TEX10: variants seen among roughly 807,000 people sequenced by gnomAD.
The protein encoded by TEX10 is testis expressed 10.
In TEX10, 24 loss-of-function variants were observed where a neutral mutation model predicts 104.4. The ratio of observed to expected loss-of-function variants is 0.23; its 90% confidence interval spans 0.17 to 0.32. The LOEUF is 0.32. Ranked by LOEUF, TEX10 falls within the 10% of genes least tolerant of loss-of-function variation. The pLI, the probability that TEX10 is intolerant of heterozygous loss-of-function variation, is 1.00. For missense variants in TEX10, 921 were observed against 1,083.9 expected (o/e 0.85, Z 2.11); for synonymous variants, 396 against 393.4 (o/e 1.01, Z -0.08).
chr9:100,346,705 C>G lies in TEX10; in HGVS notation c.882G>C (p.Gln294His). ...GAAATCCTTCTTACCGTAGCCTGAA[C>G]TGTGAACTGACATTTGGCTGTGAAC... The part of the protein sequence containing the change: ...NGGSQPNVSS[Q>H]FRLRYLVGGL... Residue 294 changes from glutamine to histidine, a missense_variant, in exon 3 of 15, where the codon CAG becomes CAC. By Grantham distance (24) the Gln-to-His change is conservative (BLOSUM62 0). This residue lies in a region of TEX10 where 753 missense variants were observed against 868.4 expected (regional missense o/e 0.87). Coordinates refer to ENST00000374902, the MANE Select transcript of TEX10 (RefSeq NM_017746.4). 1 of 1,611,462 alleles carries G rather than the reference C, an allele frequency of 6.2e-7. No homozygotes were observed. Among genetic ancestry groups the G allele is most frequent in the Non-Finnish European group, 8.5e-7 (1 of 1,178,560 alleles).
chr9:100,331,300 G>T (rs1333870110), intron 5 of TEX10, among the ~76,000 whole-genome samples: 1 of 152,020 alleles, frequency 6.6e-6, no homozygotes, highest in Non-Finnish European at 1.5e-5. Flanking sequence ...AGCCAGGCAT[G>T]CTGGCAAGTG....
chr9:100,347,810 A>G (rs1350513911), intron 2 of TEX10, among the ~76,000 whole-genome samples: 1 of 152,186 alleles, frequency 6.6e-6, no homozygotes, highest in African/African-American at 2.4e-5. Flanking sequence ...TATTCAGAGT[A>G]TACTACCTGA....
At chr9:100,307,772 T>G (rs1253697719) in intron 13 of TEX10, 1 of 152,132 alleles carries the variant, frequency 6.6e-6, no homozygotes, top group African/African-American at 2.4e-5. Context: ...GAGGTTCAGT[T>G]TATAATTACC....
At chr9:100,329,046 T>A in intron 7 of TEX10, 94 bp downstream of exon 7, 1 of 1,314,662 alleles carries the variant, frequency 7.6e-7, no homozygotes, top group Non-Finnish European at 1.0e-6. Context: ...AATGAACTTC[T>A]CCAAAGATTT....
chr9:100,310,515 C>A, intron 11 of TEX10, 136 bp from the exon 12 acceptor site: 1 of 741,290 alleles, frequency 1.3e-6, no homozygotes, highest in Non-Finnish European at 2.2e-6. Flanking sequence ...CTCAGCTCAC[C>A]GCAACCCCCG....
Position 100,346,588 on chromosome 9 carries a change from A to G in TEX10, c.893+106T>C, listed in dbSNP as rs1835304095. 1.0e-5 allele frequency: 13 copies of G among 1,249,998 alleles called. 1 individual carries two copies. The South Asian group carries it at 2.0e-4, about 19-fold the overall frequency. The allele number at this position is 1,249,998 out of a possible 1,614,324, so 77.4% of individuals were successfully genotyped here. Reference sequence around the variant, plus strand: ...AATCAAATCATGAGTAACTATATGAAAACTATGAAAGACAACTGCATGTCT... The same window carrying G: ...AATCAAATCATGAGTAACTATATGAGAACTATGAAAGACAACTGCATGTCT... On this transcript the variant is annotated intron_variant, in intron 3 of 14. Coordinates refer to ENST00000374902, the MANE Select transcript of TEX10 (RefSeq NM_017746.4).
intron 13 of TEX10, chr9:100,306,056 GA>G (rs1257767971): frequency 6.6e-6 from 1 of 151,894 alleles, no homozygotes; most frequent in Non-Finnish European, 1.5e-5. Flanking sequence ...AAGAACACGC[GA>G]AAATGACAAA....
At chr9:100,326,270 C>T (rs748885774) in intron 9 of TEX10, 32 bp downstream of exon 9, 2 of 1,591,828 alleles carry the variant, frequency 1.3e-6, no homozygotes, top group South Asian at 2.2e-5. Context: ...AAAGATTATA[C>T]ACTTAAAATA....
chr9:100,335,344 A>T (rs1180780411), intron 5 of TEX10, among the ~76,000 whole-genome samples: 1 of 152,054 alleles, frequency 6.6e-6, no homozygotes, highest in Non-Finnish European at 1.5e-5. Flanking sequence ...CTGGGACTAC[A>T]GGCGCCCGCC....
Position 100,330,097 on chromosome 9 carries a change from C to G in TEX10, c.1323G>C (p.Met441Ile). 1 of 1,614,066 alleles carries G rather than the reference C, an allele frequency of 6.2e-7. No homozygotes were observed. The highest frequency in any genetic ancestry group is 8.5e-7 in the Non-Finnish European group (1 of 1,180,002). ...LLLNLTLSDI[M>I]VSLANASTLQ... ...AAGTTGACGCATTTGCCAGGGAGACCATGATATCAGACAGTGTTAAATTCA... is the reference window on the plus strand; with the variant it reads ...AAGTTGACGCATTTGCCAGGGAGACGATGATATCAGACAGTGTTAAATTCA... The change falls in exon 6 of 15, where the codon ATG becomes ATC. Residue 441 changes from methionine (M) to isoleucine (I), a missense_variant. Physicochemically the swap from Met to Ile is conservative, Grantham distance 10. Transcript: ENST00000374902.
In TEX10 at chr9:100,303,714, C is replaced by T. The variant is rs1834073287; in HGVS notation, c.2594G>A (p.Arg865Gln). ...EELPVVGQLL[R>Q]LLLQHAPLRT... is the part of the protein sequence containing the mutation. ...GAGGGGTGCATGCTGAAGCAGCAGTCGAAGCAGCTGGCCCACAACAGGCAG... is the reference window on the plus strand; with the variant it reads ...GAGGGGTGCATGCTGAAGCAGCAGTTGAAGCAGCTGGCCCACAACAGGCAG... Residue 865 changes from arginine (R) to glutamine (Q), a missense_variant, in exon 14 of 15, where the codon CGA becomes CAA. Physicochemically the swap from Arg to Gln is conservative, Grantham distance 43 (BLOSUM62 1). Transcript: ENST00000374902. 8 of 1,613,976 alleles carry T rather than the reference C, an allele frequency of 5.0e-6. No individual in the cohort carries two copies. The highest frequency in any genetic ancestry group is 1.3e-5 in the African/African-American group (1 of 74,876).
intron 7 of TEX10, among the ~76,000 whole-genome samples, 176 bp downstream of exon 7, chr9:100,328,964 C>A (rs1834779949): frequency 6.6e-6 from 1 of 152,186 alleles, no homozygotes; most frequent in South Asian, 2.1e-4. Context: ...ATAAAGTTTA[C>A]TGGCACTATT....
rs145195372 is a variant in TEX10 at position 100,327,707 on chromosome 9, C to T, written c.1801+80G>A. 1,146 of 1,218,906 alleles carry T rather than the reference C, an allele frequency of 9.4e-4. 7 individuals carry two copies. In the African/African-American group the frequency reaches 0.015, roughly 16 times the overall value. The allele number at this position is 1,218,906 out of a possible 1,614,324, so 75.5% of individuals were successfully genotyped here. A position where few individuals can be genotyped will look rare whatever the true frequency, so the allele number is the denominator to read the frequency against. On this transcript the variant is annotated intron_variant, in intron 8 of 14. Coordinates refer to ENST00000374902, the MANE Select transcript of TEX10 (RefSeq NM_017746.4). Reference sequence around the variant, plus strand: ...TCAGACTAAGGGAAAGGCAAAATTACAGAGCTCCCCTTAAAAACTTCTTTT... The same window carrying T: ...TCAGACTAAGGGAAAGGCAAAATTATAGAGCTCCCCTTAAAAACTTCTTTT...
At chr9:100,336,593 T>C (rs753835482) in intron 5 of TEX10, among the ~76,000 whole-genome samples, 3 of 152,222 alleles carry the variant, frequency 2.0e-5, no homozygotes, top group Non-Finnish European at 4.4e-5. Context: ...CCACTGATTC[T>C]ACATTATGGT....
In TEX10 at chr9:100,329,258, T is replaced by A. The variant is rs1564211953; in HGVS notation, c.1507A>T (p.Ile503Phe). The A allele has an allele frequency of 6.2e-7, 1 of 1,606,314 alleles. No homozygotes were observed. The change falls in exon 7 of 15, where the codon ATT (isoleucine) becomes TTT (phenylalanine). Residue 503 changes from isoleucine (I) to phenylalanine (F), a missense_variant. Ile to Phe is a conservative substitution (Grantham distance 21). Around this residue, in one of 3 missense-constraint regions of TEX10, gnomAD observed 753 missense variants for 868.4 expected, o/e 0.87. Coordinates refer to ENST00000374902, the MANE Select transcript of TEX10 (RefSeq NM_017746.4). ...TGATATAATGTATAAACTGCCTTAA[T>A]AAGAGTCTCTGTGTCCTCTACAAAC... ...QPNREDTETLIKAVYTLYQQR... is the reference protein window; with the variant it reads ...QPNREDTETLFKAVYTLYQQR...
intron 4 of TEX10, among the ~76,000 whole-genome samples, chr9:100,342,949 C>G (rs983937965): frequency 1.3e-5 from 2 of 151,744 alleles, no homozygotes; most frequent in African/African-American, 2.4e-5. Flanking sequence ...AGATCGAGAC[C>G]ATCCTGGCTG....
Position 100,308,514 on chromosome 9 carries a change from T to C in TEX10, c.2451A>G (p.Glu817=). ...FLLTIEKGEA[E]HLRKRDKLWG... is the part of the protein sequence containing the mutation. ...AAAATAATTACCTCTTTCTTAGATG[T>C]TCTGCTTCCCCTTTCTCTATAGTGA... Residue 817 remains glutamate (E), a synonymous_variant, in exon 13 of 15, where the codon GAA becomes GAG. Transcript: ENST00000374902. The C allele has an allele frequency of 6.3e-7, 1 of 1,588,730 alleles. No individual in the cohort carries two copies. The highest frequency in any genetic ancestry group is 1.2e-5 in the South Asian group (1 of 85,528).
At chr9:100,303,559 C>CTT in intron 14 of TEX10, 73 bp downstream of exon 14, 7 of 1,530,990 alleles carry the variant, frequency 4.6e-6, no homozygotes, top group Non-Finnish European at 6.3e-6. Flanking sequence ...TCAAAACACA[C>CTT]TTTCCCCCAT....
chr9:100,302,125 C>T lies in TEX10; in HGVS notation c.*66G>A. 1.1e-6 allele frequency: 1 copy of T among 928,300 alleles called. No homozygotes were observed. Among genetic ancestry groups the T allele is most frequent in the Admixed American group, 2.4e-5 (1 of 41,212 alleles). The allele number at this position is 928,300 out of a possible 1,614,324, so 57.5% of individuals were successfully genotyped here. The stretch of plus-strand genomic sequence containing the variant: ...CTTTAATGACAAAGATCTATTACAT[C>T]AGTCTTTTTCTTCAAATAAGATAGA... On this transcript the variant is annotated 3_prime_UTR_variant, in exon 15 of 15. Transcript: ENST00000374902.
Sources: gnomAD v4.1 joint callset for allele counts (sites outside exome capture counted in the v4.1 genomes callset) on GRCh38, gnomAD v4.1.1 for gene constraint, gnomAD v4.1.1 regional missense constraint, MANE v1.5 for transcripts, NCBI Gene and HGNC (gene_info 2026-07-23, HGNC 2026-07-21) for gene names.